PCSK5: variants seen among roughly 807,000 people sequenced by gnomAD.
PCSK5 encodes prohormone convertase 5.
In PCSK5, 129 loss-of-function variants were observed where a neutral mutation model predicts 233.2. The ratio of observed to expected loss-of-function variants is 0.55; its 90% CI spans 0.48 to 0.64. PCSK5 has a LOEUF of 0.64. Ranked by LOEUF, PCSK5 falls within the 30% of genes least tolerant of loss-of-function variation. The pLI is 0.00. For missense variants in PCSK5, 2,076 were observed against 2,430.1 expected, an observed-to-expected ratio of 0.85 and a Z score of 3.06; for synonymous variants, 825 against 879.2, an observed-to-expected ratio of 0.94 and a Z score of 1.09.
chr9:76,174,546 G>A (rs1259310828), intron 13 of PCSK5, among the ~76,000 whole-genome samples: 1 of 151,852 alleles, frequency 6.6e-6, no homozygotes, highest in Non-Finnish European at 1.5e-5. Flanking sequence ...TCCTGACCTC[G>A]TGATCCACCA....
At chr9:75,916,685 G>A (rs78941658) in intron 1 of PCSK5, among the ~76,000 whole-genome samples, 9,535 of 152,174 alleles carry the variant, frequency 0.063, 307 homozygotes, top group Middle Eastern at 0.11. Flanking sequence ...TTGGTGCGTA[G>A]TGAGTGAGGG....
chr9:75,988,921 C>T (rs971274511), intron 3 of PCSK5, among the ~76,000 whole-genome samples: 4 of 152,170 alleles, frequency 2.6e-5, no homozygotes, highest in African/African-American at 4.8e-5. Context: ...CTGCTGTTTA[C>T]GGTGCTGTGA....
At chr9:76,349,936 T>A (rs1338982627) in intron 35 of PCSK5, among the ~76,000 whole-genome samples, 1 of 152,144 alleles carries the variant, frequency 6.6e-6, no homozygotes, top group Non-Finnish European at 1.5e-5. Flanking sequence ...GATTCAGACT[T>A]CTTCTATTTG....
chr9:76,111,906 T>C (rs1285827619), intron 9 of PCSK5, among the ~76,000 whole-genome samples: 2 of 152,192 alleles, frequency 1.3e-5, no homozygotes, highest in Non-Finnish European at 2.9e-5. Flanking sequence ...GAGCTTGCTG[T>C]TAAATGATGT....
intron 28 of PCSK5, among the ~76,000 whole-genome samples, chr9:76,302,732 T>C (rs951203960): frequency 1.3e-5 from 2 of 152,168 alleles, no homozygotes; most frequent in African/African-American, 2.4e-5. Flanking sequence ...TTGTTTACTT[T>C]ACAGGCAAGG....
At chr9:75,932,649 G>A (rs1380629764) in intron 2 of PCSK5, among the ~76,000 whole-genome samples, 166 bp downstream of exon 2, 1 of 152,204 alleles carries the variant, frequency 6.6e-6, no homozygotes, top group Non-Finnish European at 1.5e-5. Context: ...AAACTAGGCA[G>A]TGGCTTGATT....
chr9:76,308,844 G>A (rs1310159933), intron 29 of PCSK5, 116 bp downstream of exon 29: 1 of 660,272 alleles, frequency 1.5e-6, no homozygotes, highest in African/African-American at 1.8e-5. Flanking sequence ...CCCATCACAT[G>A]TTCCTATTAC....
chr9:75,911,970 A>G (rs1416853691), intron 1 of PCSK5, among the ~76,000 whole-genome samples: 1 of 152,190 alleles, frequency 6.6e-6, no homozygotes, highest in African/African-American at 2.4e-5. Context: ...GTTGCATAGA[A>G]TTTGTGGTCG....
Position 75,987,310 on chromosome 9 carries a change from C to T in PCSK5, c.411+1065C>T, listed in dbSNP as rs569815721. The stretch of plus-strand genomic sequence containing the variant: ...CTGTGTTCCTATCTTTTGTCATTTT[C>T]CCTCCTCTGGTCTCTTGGACCCTCT... On this transcript the variant is annotated intron_variant, in intron 3 of 37. Coordinates refer to ENST00000674117, the MANE Select transcript of PCSK5 (RefSeq NM_001372043.1). Among the ~76,000 whole-genome samples, 311 of 152,262 alleles carry T rather than the reference C, an allele frequency of 2.0e-3. 2 individuals carry two copies. Among genetic ancestry groups the T allele is most frequent in the African/African-American group, 6.9e-3 (287 of 41,542 alleles).
At chr9:76,049,918 T>G (rs1418044490) in intron 5 of PCSK5, among the ~76,000 whole-genome samples, 1 of 152,226 alleles carries the variant, frequency 6.6e-6, no homozygotes, top group Non-Finnish European at 1.5e-5. Flanking sequence ...GTATCTTTAT[T>G]TGAATATTTT....
At chr9:76,107,501 TA>T in intron 9 of PCSK5, 150 bp downstream of exon 9, 10 of 493,606 alleles carry the variant, frequency 2.0e-5, no homozygotes, top group South Asian at 8.7e-5. Context: ...TTGGGCTTTT[TA>T]AAAAAAATTC....
chr9:76,031,859 A>G (rs975061669), intron 5 of PCSK5, among the ~76,000 whole-genome samples: 5 of 152,180 alleles, frequency 3.3e-5, no homozygotes, highest in Non-Finnish European at 7.3e-5. Flanking sequence ...CAGTTATCTC[A>G]AAATATGTGT....
chr9:76,186,756 T>A (rs1006061954), intron 17 of PCSK5, among the ~76,000 whole-genome samples: 2 of 151,982 alleles, frequency 1.3e-5, no homozygotes, highest in Admixed American at 1.3e-4. Context: ...GTTTCGGTGG[T>A]CCTTATTTCC....
At chr9:76,099,454 T>G (rs892317707) in intron 8 of PCSK5, among the ~76,000 whole-genome samples, 1 of 152,232 alleles carries the variant, frequency 6.6e-6, no homozygotes, top group Non-Finnish European at 1.5e-5. Flanking sequence ...TGTAGCTTTC[T>G]GCAACCTGGG....
In PCSK5 at chr9:76,358,602, C is replaced by T; in HGVS notation, c.5344C>T (p.Leu1782Phe). The part of the protein sequence containing the change: ...LFITSSMMLV[L>F]LLGAAVVVWK... ...CATCACCTCCTCCATGATGCTGGTGCTTCTGCTCGGGGCAGCTGTGGTAGT... is the reference window on the plus strand; with the variant it reads ...CATCACCTCCTCCATGATGCTGGTGTTTCTGCTCGGGGCAGCTGTGGTAGT... Residue 1782 changes from leucine to phenylalanine, a missense_variant, in exon 38 of 38, where the codon CTT (leucine) becomes TTT (phenylalanine). Leu to Phe is a conservative substitution (Grantham distance 22, BLOSUM62 0). This residue lies in a region of PCSK5 where 1,510 missense variants were observed against 1,538.1 expected (regional missense o/e 0.98). Transcript: ENST00000674117. The T allele has an allele frequency of 6.2e-7, 1 of 1,612,822 alleles. No individual in the cohort carries two copies. The highest frequency in any genetic ancestry group is 8.5e-7 in the Non-Finnish European group (1 of 1,179,880).
intron 27 of PCSK5, 49 bp downstream of exon 27, chr9:76,296,914 G>C: frequency 1.7e-6 from 2 of 1,187,702 alleles, no homozygotes; most frequent in Non-Finnish European, 2.5e-6. Flanking sequence ...GACCTACTCT[G>C]CTTCCCTCCT....
At chr9:76,124,101 A>C (rs115995660) in intron 9 of PCSK5, among the ~76,000 whole-genome samples, 2,328 of 152,308 alleles carry the variant, frequency 0.015, 50 homozygotes, top group African/African-American at 0.052. Flanking sequence ...TTAGTGGCGA[A>C]GATCACCACA....
chr9:76,058,645 C>T (rs186239115), intron 5 of PCSK5, among the ~76,000 whole-genome samples: 1 of 152,076 alleles, frequency 6.6e-6, no homozygotes, highest in Non-Finnish European at 1.5e-5. Flanking sequence ...GCAGTATGAC[C>T]TCTAAATGGA....
At chr9:75,933,545 T>C (rs1229523028) in intron 2 of PCSK5, among the ~76,000 whole-genome samples, 1 of 152,264 alleles carries the variant, frequency 6.6e-6, no homozygotes, top group Non-Finnish European at 1.5e-5. Flanking sequence ...TGAATTAATA[T>C]GCAAATGAGG....
Sources: allele counts gnomAD v4.1 joint callset (sites outside exome capture counted in the v4.1 genomes callset), GRCh38; gene constraint gnomAD v4.1.1; regional missense constraint gnomAD v4.1.1; transcripts MANE v1.5; gene names NCBI Gene and HGNC (gene_info 2026-07-23, HGNC 2026-07-21).